The following NXPE2 variants were observed in gnomAD, a reference collection of about 807,000 sequenced individuals.
NXPE2 encodes the protein neurexophilin and PC-esterase domain family member 2.
Under a neutral mutation model 34.4 loss-of-function variants are expected in NXPE2, and 34 were observed. That is an observed-to-expected ratio of 0.99 (90% CI 0.75 to 1.31). The LOEUF is 1.31. Ranked by LOEUF, NXPE2 falls within the 40% of genes most tolerant of loss-of-function variation. The probability of loss-of-function intolerance (pLI) is 0.00; values close to 1 mark genes in which losing one functional copy is unlikely to be tolerated. For missense variants in NXPE2, 649 were observed against 672.5 expected, an observed-to-expected ratio of 0.97 and a Z score of 0.39; for synonymous variants, 235 against 231.3, an observed-to-expected ratio of 1.02 and a Z score of -0.15.
At chr11:114,528,835 G>A in the NXPE2 span, 1 of 676,984 alleles carries the variant, frequency 1.5e-6, no homozygotes. Context: ...GTGCCATCCT[G>A]AGAAGAGAAA....
the NXPE2 span, among the ~76,000 whole-genome samples, chr11:114,636,239 G>C: frequency 1.3e-5 from 2 of 152,170 alleles, no homozygotes; most frequent in East Asian, 3.9e-4. Context: ...AGATTCTCTA[G>C]TTTATTTGCG....
chr11:114,766,813 A>T, the NXPE2 span, among the ~76,000 whole-genome samples: 2 of 151,950 alleles, frequency 1.3e-5, no homozygotes, highest in African/African-American at 4.8e-5. Context: ...TTTCCAATTA[A>T]CTCATGATCT....
the NXPE2 span, among the ~76,000 whole-genome samples, chr11:114,791,415 A>G: frequency 2.0e-5 from 3 of 152,192 alleles, no homozygotes; most frequent in African/African-American, 7.2e-5. Context: ...TAGAAGTGGT[A>G]TTCCACCACA....
the NXPE2 span, among the ~76,000 whole-genome samples, chr11:114,555,426 C>T: frequency 7.1e-4 from 108 of 152,234 alleles, no homozygotes; most frequent in African/African-American, 2.5e-3. Flanking sequence ...AGAGTCTCAC[C>T]ATGTTGGCCA....
chr11:114,557,158 T>C, the NXPE2 span, among the ~76,000 whole-genome samples: 1 of 152,140 alleles, frequency 6.6e-6, no homozygotes, highest in Non-Finnish European at 1.5e-5. Flanking sequence ...CCTCCCAAAG[T>C]TCTGGGATTA....
chr11:114,638,978 A>G, the NXPE2 span, among the ~76,000 whole-genome samples: 1 of 152,034 alleles, frequency 6.6e-6, no homozygotes, highest in South Asian at 2.1e-4. Context: ...AGCTGGGAGA[A>G]CCACTGCTCT....
chr11:114,720,588 G>A, the NXPE2 span, among the ~76,000 whole-genome samples: 1 of 151,698 alleles, frequency 6.6e-6, no homozygotes. Flanking sequence ...GCAAATGCAG[G>A]TGTGCTCTAA....
chr11:114,476,779 C>T, the NXPE2 span, among the ~76,000 whole-genome samples: 1 of 152,074 alleles, frequency 6.6e-6, no homozygotes, highest in African/African-American at 2.4e-5. Flanking sequence ...TTGCCCAACA[C>T]CTGGAGATTA....
At chr11:114,760,888 C>T in the NXPE2 span, among the ~76,000 whole-genome samples, 3 of 152,192 alleles carry the variant, frequency 2.0e-5, no homozygotes, top group African/African-American at 7.2e-5. Flanking sequence ...CATCCACCCA[C>T]ATTAATCACT....
At chr11:114,760,838 A>T in the NXPE2 span, among the ~76,000 whole-genome samples, 2 of 152,176 alleles carry the variant, frequency 1.3e-5, no homozygotes, top group Non-Finnish European at 2.9e-5. Flanking sequence ...TAATCAAAAG[A>T]ACAGCTTTCC....
chr11:114,470,043 T>C, the NXPE2 span, among the ~76,000 whole-genome samples: 2 of 152,250 alleles, frequency 1.3e-5, no homozygotes, highest in Non-Finnish European at 2.9e-5. Flanking sequence ...TTTTTATTGC[T>C]AAGGAACATT....
the NXPE2 span, among the ~76,000 whole-genome samples, chr11:114,764,602 A>T: frequency 6.6e-6 from 1 of 152,166 alleles, no homozygotes; most frequent in Non-Finnish European, 1.5e-5. Flanking sequence ...AGTTTTCAGA[A>T]CACATGTTGA....
the NXPE2 span, among the ~76,000 whole-genome samples, chr11:114,626,155 G>A: frequency 6.6e-6 from 1 of 152,148 alleles, no homozygotes; most frequent in South Asian, 2.1e-4. Context: ...CGGGAAGCTC[G>A]AACTGGGTGG....
chr11:114,475,224 C>CTGTTTTTTTTTT, the NXPE2 span, among the ~76,000 whole-genome samples: 9 of 72,838 alleles, frequency 1.2e-4, 1 homozygote, highest in Non-Finnish European at 1.2e-4. Flanking sequence ...TTAATGTGAA[C>CTGTTTTTTTTTT]TGTTTTTTTT....
chr11:114,604,279 A>C, the NXPE2 span, among the ~76,000 whole-genome samples: 1 of 151,972 alleles, frequency 6.6e-6, no homozygotes, highest in Non-Finnish European at 1.5e-5. Context: ...CCTGCTAGAT[A>C]ATAAGTGTTG....
At chr11:114,599,687 G>A in the NXPE2 span, among the ~76,000 whole-genome samples, 9 of 152,230 alleles carry the variant, frequency 5.9e-5, no homozygotes, top group Middle Eastern at 0.01. Context: ...TACATGGCCA[G>A]AGCAGGAGCA....
the NXPE2 span, among the ~76,000 whole-genome samples, chr11:114,726,651 A>G: frequency 6.6e-6 from 1 of 152,050 alleles, no homozygotes; most frequent in African/African-American, 2.4e-5. Context: ...TAAATTTCAT[A>G]TTCAATTAAT....
the NXPE2 span, among the ~76,000 whole-genome samples, chr11:114,484,454 G>C: frequency 1.3e-5 from 2 of 151,958 alleles, no homozygotes; most frequent in Non-Finnish European, 2.9e-5. Flanking sequence ...GTGCCCAAAG[G>C]GCTTTCCACC....
intron 2 of NXPE2, among the ~76,000 whole-genome samples, chr11:114,692,581 A>C (rs1951173338): frequency 6.6e-6 from 1 of 152,200 alleles, no homozygotes; most frequent in Non-Finnish European, 1.5e-5. Context: ...TTTCTCCTGC[A>C]GCCATGATCA....
Sources: allele counts gnomAD v4.1 joint callset (sites outside exome capture counted in the v4.1 genomes callset), GRCh38; gene constraint gnomAD v4.1.1; transcripts MANE v1.5; gene names NCBI Gene and HGNC (gene_info 2026-07-23, HGNC 2026-07-21).